ATP2B2: variants seen among roughly 807,000 people sequenced by gnomAD.
ATP2B2 encodes the protein ATPase plasma membrane Ca2+ transporting 2.
Under a neutral mutation model 120.0 loss-of-function variants are expected in ATP2B2, and 15 were observed. That is an observed-to-expected ratio of 0.12 (90% confidence interval 0.08 to 0.19). ATP2B2 has a LOEUF of 0.19. Among genes scored for constraint, ATP2B2 ranks in the 10% least tolerant of loss-of-function variants. The pLI, the probability that ATP2B2 is intolerant of heterozygous loss-of-function variation, is 1.00. For synonymous variants in ATP2B2, 694 were observed against 700.3 expected, an observed-to-expected ratio of 0.99 and a Z score of 0.14; for missense variants, 1,045 against 1,719.8, an observed-to-expected ratio of 0.61 and a Z score of 6.94.
chr3:10,507,481 C>A (rs771636229), upstream of ATP2B2, among the ~76,000 whole-genome samples: 1 of 152,128 alleles, frequency 6.6e-6, no homozygotes, highest in Non-Finnish European at 1.5e-5. Context: ...AAAACAGGCC[C>A]GTGTAAAGCT....
At chr3:10,419,139 A>G (rs995837417) in intron 2 of ATP2B2, among the ~76,000 whole-genome samples, 11 of 152,234 alleles carry the variant, frequency 7.2e-5, no homozygotes, top group Non-Finnish European at 1.5e-5. Context: ...CAGTCCCTCA[A>G]GAAACCTCCC....
At chr3:10,515,068 T>C (rs922574134) in intron 3 of ATP2B2, among the ~76,000 whole-genome samples, 1 of 152,204 alleles carries the variant, frequency 6.6e-6, no homozygotes, top group African/African-American at 2.4e-5. Flanking sequence ...CAAGGTGCTG[T>C]TTCTTTCTGG....
intron 1 of ATP2B2, among the ~76,000 whole-genome samples, chr3:10,668,648 A>AC (rs998545039): frequency 8.3e-4 from 118 of 142,340 alleles, no homozygotes; most frequent in African/African-American, 2.5e-3. Context: ...TTAAAATTGT[A>AC]CCCCCCCACC....
chr3:10,461,552 T>A (rs73018780), intron 1 of ATP2B2, among the ~76,000 whole-genome samples: 1 of 151,996 alleles, frequency 6.6e-6, no homozygotes, highest in Non-Finnish European at 1.5e-5. Context: ...ACAGGGCTTC[T>A]CAAAGTGGTT....
intron 1 of ATP2B2, among the ~76,000 whole-genome samples, chr3:10,691,457 C>G (rs1319509932): frequency 1.3e-5 from 2 of 152,156 alleles, no homozygotes; most frequent in Non-Finnish European, 2.9e-5. Flanking sequence ...AGGTCCTGGG[C>G]TTTTCCAGCT....
At chr3:10,539,988 C>A (rs1330039199) in intron 2 of ATP2B2, among the ~76,000 whole-genome samples, 3 of 152,222 alleles carry the variant, frequency 2.0e-5, no homozygotes, top group Non-Finnish European at 4.4e-5. Context: ...GGGCTAATAT[C>A]CAGAATCTAC....
intron 1 of ATP2B2, among the ~76,000 whole-genome samples, chr3:10,459,396 C>T (rs2064392606): frequency 1.3e-5 from 2 of 152,322 alleles, no homozygotes; most frequent in Admixed American, 6.5e-5. Flanking sequence ...GGGAACATGC[C>T]GTGGGAATGC....
At chr3:10,632,355 C>T (rs1220853992) in intron 1 of ATP2B2, among the ~76,000 whole-genome samples, 1 of 152,206 alleles carries the variant, frequency 6.6e-6, no homozygotes, top group African/African-American at 2.4e-5. Context: ...AGCATGACAT[C>T]AGCATGGCCC....
chr3:10,450,659 G>C (rs1433958433), intron 1 of ATP2B2, among the ~76,000 whole-genome samples: 2 of 150,478 alleles, frequency 1.3e-5, no homozygotes, highest in Non-Finnish European at 2.9e-5. Context: ...GGTCCATGGA[G>C]CCCTCACCTG....
intron 1 of ATP2B2, among the ~76,000 whole-genome samples, chr3:10,656,880 G>C (rs1490003545): frequency 6.6e-6 from 1 of 152,238 alleles, no homozygotes; most frequent in South Asian, 2.1e-4. Context: ...AGAGGGCACA[G>C]CAAATGCTAA....
At chr3:10,596,008 C>A (rs9861918) in intron 2 of ATP2B2, among the ~76,000 whole-genome samples, 73,880 of 151,904 alleles carry the variant, frequency 0.49, 19,829 homozygotes, top group Non-Finnish European at 0.61. Context: ...GCCTGGAATT[C>A]TCTCCTCTCA....
chr3:10,532,857 A>AGTGATGCTTGCTT (rs1424766022), intron 3 of ATP2B2, among the ~76,000 whole-genome samples: 1 of 152,212 alleles, frequency 6.6e-6, no homozygotes, highest in Non-Finnish European at 1.5e-5. Context: ...GTAGGAAGCC[A>AGTGATGCTTGCTT]GTGATGCTTG....
chr3:10,553,694 C>G (rs892512829), intron 2 of ATP2B2, among the ~76,000 whole-genome samples: 36 of 152,180 alleles, frequency 2.4e-4, no homozygotes, highest in African/African-American at 6.8e-4. Flanking sequence ...CTTGGAAGAG[C>G]CAGAGCAGCA....
chr3:10,338,116 C>G, intron 22 of ATP2B2, 60 bp downstream of exon 22: 1 of 1,606,382 alleles, frequency 6.2e-7, no homozygotes, highest in Non-Finnish European at 8.5e-7. Context: ...AGCACACTCA[C>G]CTCCATCCCC....
rs557140948 is a variant in ATP2B2, at chr3:10,486,774, C to T, written c.-320+18691G>A. Among the ~76,000 whole-genome samples, 48 of 152,252 alleles carry T rather than the reference C, an allele frequency of 3.2e-4. No individual in the cohort carries two copies. In the South Asian group the frequency reaches 9.3e-3, roughly 30 times the overall value. ...TCACTCTGTCGCCCAGGCTGGAGTG[C>T]AGTGGCATGATCTTGGCTCACTGTG... is the stretch of plus-strand genomic sequence containing the variant. On this transcript the variant is annotated intron_variant, in intron 1 of 22. Transcript: ENST00000360273.
chr3:10,556,151 T>C (rs562118106), intron 2 of ATP2B2, among the ~76,000 whole-genome samples: 144 of 152,292 alleles, frequency 9.5e-4, no homozygotes, highest in South Asian at 7.1e-3. Flanking sequence ...CTGCCCTCCT[T>C]GGCCTCCCAA....
intron 2 of ATP2B2, among the ~76,000 whole-genome samples, chr3:10,565,730 T>C (rs2067996053): frequency 6.6e-6 from 1 of 152,160 alleles, no homozygotes; most frequent in Non-Finnish European, 1.5e-5. Flanking sequence ...TGGATTCAAA[T>C]CTTGGCTTCA....
At chr3:10,498,338 C>T (rs905027073) in intron 1 of ATP2B2, among the ~76,000 whole-genome samples, 2 of 152,348 alleles carry the variant, frequency 1.3e-5, no homozygotes, top group East Asian at 1.9e-4. Context: ...GTCAGGCCCA[C>T]GTAGGATGGC....
chr3:10,638,264 G>A (rs1187499793), intron 1 of ATP2B2, among the ~76,000 whole-genome samples: 1 of 152,088 alleles, frequency 6.6e-6, no homozygotes, highest in Admixed American at 6.5e-5. Context: ...TGTTAAAAAA[G>A]ATAATGCTGC....
Sources: gnomAD v4.1 joint callset for allele counts (sites outside exome capture counted in the v4.1 genomes callset) on GRCh38, gnomAD v4.1.1 for gene constraint, MANE v1.5 for transcripts, NCBI Gene and HGNC (gene_info 2026-07-23, HGNC 2026-07-21) for gene names.